The following PAICS variants were observed in gnomAD, a reference collection of about 807,000 sequenced individuals.
PAICS encodes the protein bifunctional phosphoribosylaminoimidazole carboxylase/phosphoribosylaminoimidazole succinocarboxamide synthetase.
PAICS carries 33 observed loss-of-function variants against 53.7 expected under a neutral mutation model. That is an observed-to-expected ratio of 0.61 (90% CI 0.47 to 0.82). The LOEUF (loss-of-function observed/expected upper bound fraction) is 0.82. Ranked by LOEUF, PAICS falls within the 40% of genes least tolerant of loss-of-function variation. The probability of loss-of-function intolerance (pLI) is 0.00; values close to 1 mark genes in which losing one functional copy is unlikely to be tolerated. For synonymous variants in PAICS, 141 were observed against 167.2 expected, an observed-to-expected ratio of 0.84 and a Z score of 1.21; for missense variants, 394 against 494.1, an observed-to-expected ratio of 0.80 and a Z score of 1.92.
At position 56,448,889 on chromosome 4, in the gene PAICS, A is replaced by G. The variant is rs1329937266; in HGVS notation, c.687+66A>G. The G allele has an allele frequency of 3.1e-5, 27 of 862,414 alleles. No homozygotes were observed. The South Asian group carries it at 3.7e-4, about 12-fold the overall frequency. 53.4% of individuals were successfully genotyped at this position (862,414 alleles called of 1,614,324 possible). On this transcript the variant is annotated intron_variant, in intron 5 of 8. Transcript: ENST00000512576. ...AGCTGAGATAGAGGAGAAAGGAGAGATGAGGGGAAAAAGCAAATTATTGTT... is the reference window on the plus strand; with the variant it reads ...AGCTGAGATAGAGGAGAAAGGAGAGGTGAGGGGAAAAAGCAAATTATTGTT...
At chr4:56,438,371 T>TATATATATATATATA (rs1718133599) in intron 1 of PAICS, among the ~76,000 whole-genome samples, 3 of 113,636 alleles carry the variant, frequency 2.6e-5, no homozygotes, top group Non-Finnish European at 3.9e-5. Flanking sequence ...TGCAATGTGT[T>TATATATATATATATA]TATATATATA....
chr4:56,417,847 T>TG, the PAICS span, among the ~76,000 whole-genome samples: 3 of 150,664 alleles, frequency 2.0e-5, no homozygotes, highest in Non-Finnish European at 4.4e-5. Flanking sequence ...TTTTTGTTTT[T>TG]TTTTTTTTTT....
chr4:56,435,577 G>A (rs1036360927), upstream of PAICS: 23 of 1,583,940 alleles, frequency 1.5e-5, no homozygotes, highest in East Asian at 2.2e-5. Context: ...GCTCGCGCTC[G>A]CGACAGGCTC....
chr4:56,440,774 G>A (rs987179992), intron 1 of PAICS, among the ~76,000 whole-genome samples: 5 of 152,268 alleles, frequency 3.3e-5, no homozygotes, highest in African/African-American at 1.2e-4. Context: ...GGTCTCTTGA[G>A]AGCAGGAATT....
At position 56,437,191 on chromosome 4, in the gene PAICS, AAGT is replaced by A. The variant is rs567062635; in HGVS notation, c.16+867_16+869del. On this transcript the variant is annotated intron_variant, in intron 1 of 8. Coordinates refer to ENST00000512576, the MANE Select transcript of PAICS (RefSeq NM_001079524.2). ...TGTATGTGTGTGCGCGCGCGTGTTGAAGTAGTCTGATTCCATGATGGCTGGGGA... is the reference window on the plus strand; with the variant it reads ...TGTATGTGTGTGCGCGCGCGTGTTGAAGTCTGATTCCATGATGGCTGGGGA... Among the ~76,000 whole-genome samples the A allele has an allele frequency of 2.3e-3, 337 of 144,758 alleles. 2 individuals carry two copies. Among genetic ancestry groups the A allele is most frequent in the African/African-American group, 8.6e-3 (328 of 38,354 alleles). The allele number at this position is 144,758 out of a possible 152,430, so 95.0% of individuals were successfully genotyped here. A position where few individuals can be genotyped will look rare whatever the true frequency, so the allele number is the denominator to read the frequency against.
chr4:56,458,692 G>A (rs574438008), intron 8 of PAICS, among the ~76,000 whole-genome samples: 115 of 152,232 alleles, frequency 7.6e-4, no homozygotes, highest in Middle Eastern at 3.4e-3. Context: ...CAAGAATATC[G>A]GGAAAATCGA....
chr4:56,435,092 C>T (rs1269921351), upstream of PAICS, among the ~76,000 whole-genome samples: 2 of 152,200 alleles, frequency 1.3e-5, no homozygotes, highest in African/African-American at 2.4e-5. Context: ...TGGGTGCACA[C>T]ACCGGGGGGC....
the PAICS span, among the ~76,000 whole-genome samples, chr4:56,415,401 T>C: frequency 6.6e-6 from 1 of 152,220 alleles, no homozygotes. Context: ...TTCTAAGATG[T>C]ACTTCATCCT....
At chr4:56,432,645 C>T (rs1248400260), upstream of PAICS, among the ~76,000 whole-genome samples, 61 of 149,004 alleles carry the variant, frequency 4.1e-4, no homozygotes, top group African/African-American at 1.4e-3. Context: ...ATTAGCCGGG[C>T]GTGGTGGGGG....
At chr4:56,416,517 A>C in the PAICS span, 1 of 175,424 alleles carries the variant, frequency 5.7e-6, no homozygotes, top group East Asian at 1.9e-4. Flanking sequence ...GAGAAAATTG[A>C]CAATTTTTCC....
Sources: allele counts gnomAD v4.1 joint callset (sites outside exome capture counted in the v4.1 genomes callset), GRCh38; gene constraint gnomAD v4.1.1; transcripts MANE v1.5; gene names NCBI Gene and HGNC (gene_info 2026-07-23, HGNC 2026-07-21).